AGBL4: variants seen among roughly 807,000 people sequenced by gnomAD.
AGBL4 encodes AGBL carboxypeptidase 4.
In AGBL4, 58 loss-of-function variants were observed where a neutral mutation model predicts 66.4. That is an observed-to-expected ratio of 0.87 (90% CI 0.71 to 1.09). AGBL4 has a LOEUF of 1.09. Among genes scored for constraint, AGBL4 ranks in the 50% least tolerant of loss-of-function variants. AGBL4 has a pLI of 0.00. For missense variants in AGBL4, 579 were observed against 631.0 expected (o/e 0.92, Z 0.88); for synonymous variants, 234 against 222.9 (o/e 1.05, Z -0.44).
chr1:49,936,033 T>C (rs1653968876), intron 1 of AGBL4, among the ~76,000 whole-genome samples: 1 of 152,114 alleles, frequency 6.6e-6, no homozygotes, highest in African/African-American at 2.4e-5. Context: ...ACGATCAAAC[T>C]ACTCCAAGCT....
At chr1:49,948,275 TAAATATATATAAATATATAA>T (rs1184270069) in intron 1 of AGBL4, among the ~76,000 whole-genome samples, 7 of 100,930 alleles carry the variant, frequency 6.9e-5, no homozygotes, top group African/African-American at 2.6e-4. Flanking sequence ...TAAATACATA[TAAATATATATAAATATATAA>T]AAATATATAT....
chr1:48,741,789 C>T (rs10888619), intron 6 of AGBL4, among the ~76,000 whole-genome samples: 150,355 of 152,316 alleles, frequency 0.99, 74,234 homozygotes, highest in South Asian at 1. Flanking sequence ...TTAAGGAGAA[C>T]GAGAGGCGAT....
chr1:49,105,981 G>A (rs370615724), intron 4 of AGBL4, among the ~76,000 whole-genome samples: 2 of 152,236 alleles, frequency 1.3e-5, no homozygotes, highest in East Asian at 1.9e-4. Context: ...CTTTAAAATG[G>A]AAGAAGGAGC....
intron 3 of AGBL4, among the ~76,000 whole-genome samples, chr1:49,634,878 G>C (rs1645641677): frequency 6.6e-6 from 1 of 152,142 alleles, no homozygotes; most frequent in Admixed American, 6.6e-5. Flanking sequence ...AATGAGAAGA[G>C]GCTACTTAAA....
At chr1:49,722,554 A>T (rs1017706881) in intron 2 of AGBL4, among the ~76,000 whole-genome samples, 2 of 152,184 alleles carry the variant, frequency 1.3e-5, no homozygotes, top group African/African-American at 4.8e-5. Flanking sequence ...GTCATCATAC[A>T]ATGATGAATA....
At chr1:48,775,455 A>G (rs1286173717) in intron 6 of AGBL4, among the ~76,000 whole-genome samples, 1 of 152,204 alleles carries the variant, frequency 6.6e-6, no homozygotes, top group African/African-American at 2.4e-5. Context: ...GAAGGTCTCA[A>G]AATTACAAAA....
chr1:48,726,370 G>A (rs1281601669), intron 6 of AGBL4, among the ~76,000 whole-genome samples: 2 of 152,012 alleles, frequency 1.3e-5, no homozygotes, highest in Non-Finnish European at 2.9e-5. Flanking sequence ...AGCATCTCAC[G>A]CAATCCACAC....
chr1:48,936,604 T>C (rs1655499712), intron 5 of AGBL4, among the ~76,000 whole-genome samples: 1 of 152,196 alleles, frequency 6.6e-6, no homozygotes, highest in Admixed American at 6.5e-5. Flanking sequence ...TGAGGAAGGC[T>C]TGAGTACTTG....
intron 3 of AGBL4, among the ~76,000 whole-genome samples, chr1:49,481,490 G>A (rs909660172): frequency 6.6e-6 from 1 of 151,808 alleles, no homozygotes; most frequent in Non-Finnish European, 1.5e-5. Flanking sequence ...TTTGTATCCT[G>A]AGACTTTCCT....
intron 3 of AGBL4, among the ~76,000 whole-genome samples, chr1:49,272,511 T>C (rs2148388968): frequency 6.6e-6 from 1 of 152,340 alleles, no homozygotes; most frequent in African/African-American, 2.4e-5. Context: ...AGTCTTCTTA[T>C]GTCTAACACA....
chr1:48,807,508 T>C (rs910414527), intron 6 of AGBL4, among the ~76,000 whole-genome samples: 2 of 152,108 alleles, frequency 1.3e-5, no homozygotes, highest in African/African-American at 4.8e-5. Context: ...ACTTCTGAAA[T>C]TGCACGAGCC....
At chr1:49,928,590 A>G (rs531670172) in intron 1 of AGBL4, among the ~76,000 whole-genome samples, 21 of 152,316 alleles carry the variant, frequency 1.4e-4, no homozygotes, top group African/African-American at 4.8e-4. Context: ...GAGGAAGGAT[A>G]GAGAAAAATT....
At chr1:49,508,594 T>A (rs1648906684) in intron 3 of AGBL4, among the ~76,000 whole-genome samples, 1 of 151,922 alleles carries the variant, frequency 6.6e-6, no homozygotes, top group Non-Finnish European at 1.5e-5. Context: ...AGAAAAGTAA[T>A]ATGTTTAGAG....
intron 4 of AGBL4, among the ~76,000 whole-genome samples, chr1:49,237,807 G>T (rs1463458869): frequency 6.6e-6 from 1 of 151,786 alleles, no homozygotes; most frequent in Non-Finnish European, 1.5e-5. Context: ...TTTTGTTGTT[G>T]TTTCTTCCTG....
intron 5 of AGBL4, among the ~76,000 whole-genome samples, chr1:49,030,135 T>C (rs1422665628): frequency 6.6e-6 from 1 of 152,154 alleles, no homozygotes; most frequent in African/African-American, 2.4e-5. Flanking sequence ...ACTGAATATT[T>C]GTGTCCTCTC....
At chr1:49,784,624 A>G (rs1336827305) in intron 2 of AGBL4, among the ~76,000 whole-genome samples, 1 of 152,102 alleles carries the variant, frequency 6.6e-6, no homozygotes, top group Non-Finnish European at 1.5e-5. Flanking sequence ...CAATAGCACA[A>G]GTAACAAAAT....
intron 1 of AGBL4, among the ~76,000 whole-genome samples, chr1:50,019,971 C>A (rs1028729640): frequency 6.6e-5 from 10 of 151,962 alleles, no homozygotes; most frequent in Admixed American, 5.9e-4. Context: ...TAAATCTGAC[C>A]CTCTTACAGA....
chr1:49,009,320 T>C (rs1662168973), intron 5 of AGBL4, among the ~76,000 whole-genome samples: 1 of 152,080 alleles, frequency 6.6e-6, no homozygotes, highest in Non-Finnish European at 1.5e-5. Flanking sequence ...CTCCCAAGAC[T>C]AAACCAGGAA....
chr1:49,445,047 T>C (rs1646122718), intron 3 of AGBL4, among the ~76,000 whole-genome samples: 1 of 152,046 alleles, frequency 6.6e-6, no homozygotes, highest in South Asian at 2.1e-4. Flanking sequence ...ATGGCTGGCC[T>C]TGTGGTAACA....
Sources: gnomAD v4.1 joint callset for allele counts (sites outside exome capture counted in the v4.1 genomes callset) on GRCh38, gnomAD v4.1.1 for gene constraint, MANE v1.5 for transcripts, NCBI Gene and HGNC (gene_info 2026-07-23, HGNC 2026-07-21) for gene names.